Variants in NBAS observed in about 807,000 individuals in gnomAD.
NBAS encodes NAG/BC035112 fusion.
In NBAS, 219 loss-of-function variants were observed where a neutral mutation model predicts 302.5. The ratio of observed to expected loss-of-function variants is 0.72; its 90% CI spans 0.65 to 0.81. The LOEUF is 0.81. Ranked by LOEUF, NBAS falls within the 30% of genes least tolerant of loss-of-function variation. NBAS has a pLI of 0.00. For missense variants in NBAS, 2,932 were observed against 2,841.6 expected, an observed-to-expected ratio of 1.03 and a Z score of -0.72; for synonymous variants, 1,118 against 1,021.6, an observed-to-expected ratio of 1.09 and a Z score of -1.80.
At chr2:14,842,182 G>A in the NBAS span, among the ~76,000 whole-genome samples, 2 of 151,656 alleles carry the variant, frequency 1.3e-5, no homozygotes, top group African/African-American at 4.8e-5. Flanking sequence ...AACAACAAAA[G>A]TGTACTAAAA....
chr2:15,033,202 C>T, the NBAS span, among the ~76,000 whole-genome samples: 1 of 152,230 alleles, frequency 6.6e-6, no homozygotes, highest in Admixed American at 6.5e-5. Flanking sequence ...AGGTTTCAGA[C>T]TTACTTGGGA....
At chr2:15,553,180 T>C (rs1213813270) in intron 5 of NBAS, among the ~76,000 whole-genome samples, 2 of 152,254 alleles carry the variant, frequency 1.3e-5, no homozygotes, top group Non-Finnish European at 1.5e-5. Context: ...CCTCATTTAC[T>C]GAGAAAGTAA....
At chr2:15,047,554 A>G in the NBAS span, among the ~76,000 whole-genome samples, 1 of 149,174 alleles carries the variant, frequency 6.7e-6, no homozygotes, top group Non-Finnish European at 1.5e-5. Context: ...CCATGCAGGT[A>G]AAGGCTGGGC....
At chr2:14,877,825 G>A in the NBAS span, among the ~76,000 whole-genome samples, 1 of 152,114 alleles carries the variant, frequency 6.6e-6, no homozygotes, top group African/African-American at 2.4e-5. Context: ...CAAGATATGA[G>A]ACTCTTTTTA....
the NBAS span, among the ~76,000 whole-genome samples, chr2:14,784,212 T>C: frequency 1.3e-5 from 2 of 152,222 alleles, no homozygotes; most frequent in Admixed American, 1.3e-4. Context: ...AGACTCTGGA[T>C]ATTAGCCCTT....
chr2:14,868,886 A>G, the NBAS span, among the ~76,000 whole-genome samples: 2 of 152,218 alleles, frequency 1.3e-5, no homozygotes, highest in African/African-American at 4.8e-5. Context: ...GGTGGTGCTC[A>G]TGAGCCAGAC....
At chr2:14,981,066 A>G in the NBAS span, among the ~76,000 whole-genome samples, 1 of 113,924 alleles carries the variant, frequency 8.8e-6, no homozygotes, top group South Asian at 3.0e-4. Flanking sequence ...AATGAGAGGA[A>G]AAAAAAACAG....
chr2:15,151,771 C>T, the NBAS span, among the ~76,000 whole-genome samples: 1 of 152,172 alleles, frequency 6.6e-6, no homozygotes, highest in African/African-American at 2.4e-5. Flanking sequence ...AAAGAGGTTT[C>T]TTCAGTCTCC....
the NBAS span, among the ~76,000 whole-genome samples, chr2:14,984,381 AG>A: frequency 1.7e-4 from 26 of 152,354 alleles, no homozygotes; most frequent in Non-Finnish European, 3.4e-4. Flanking sequence ...CTAGATCATT[AG>A]AAGGTGAAAC....
At chr2:14,859,639 A>C in the NBAS span, among the ~76,000 whole-genome samples, 1 of 152,176 alleles carries the variant, frequency 6.6e-6, no homozygotes, top group African/African-American at 2.4e-5. Flanking sequence ...CATATGCAAA[A>C]GAATGAAACT....
At chr2:14,778,917 G>A in the NBAS span, among the ~76,000 whole-genome samples, 7 of 152,172 alleles carry the variant, frequency 4.6e-5, no homozygotes, top group African/African-American at 1.7e-4. Context: ...AATTTGTACA[G>A]TGCTTTTTAT....
chr2:15,409,450 C>G (rs1676576677), intron 25 of NBAS, among the ~76,000 whole-genome samples: 1 of 152,122 alleles, frequency 6.6e-6, no homozygotes, highest in South Asian at 2.1e-4. Context: ...TCTTTTAACC[C>G]CATATATTTT....
chr2:14,953,439 C>T, the NBAS span, among the ~76,000 whole-genome samples: 4 of 152,206 alleles, frequency 2.6e-5, no homozygotes, highest in African/African-American at 9.7e-5. Flanking sequence ...ACAAAGCAAA[C>T]GTCTCAGCAG....
chr2:15,257,159 G>A (rs1419336028), intron 44 of NBAS, among the ~76,000 whole-genome samples: 1 of 152,150 alleles, frequency 6.6e-6, no homozygotes, highest in Admixed American at 6.6e-5. Flanking sequence ...AAATTCAGCT[G>A]TGAATCCATT....
At chr2:15,163,082 C>T (rs967120468), downstream of NBAS, among the ~76,000 whole-genome samples, 9 of 152,190 alleles carry the variant, frequency 5.9e-5, no homozygotes, top group South Asian at 4.1e-4. Flanking sequence ...ACTGGGAAAA[C>T]GACCTCCACT....
chr2:15,536,451 T>C lies in NBAS; in HGVS notation c.614A>G (p.Asn205Ser), dbSNP rs767706309. The C allele has an allele frequency of 3.7e-6, 6 of 1,613,658 alleles. No homozygotes were observed. The highest frequency in any genetic ancestry group is 2.2e-5 in the South Asian group (2 of 91,052). ...AQWSAELLVI[N>S]YRGELRSYLV... ...GTAACTTCTAAGTTCTCCTCGGTAA[T>C]TGATGACCAGGAGTTCTGCAGACCA... Residue 205 changes from asparagine (N) to serine (S), a missense_variant, in exon 8 of 52, where the codon AAT (asparagine) becomes AGT (serine). By Grantham distance (46) the Asn-to-Ser change is conservative. Transcript: ENST00000281513.
At chr2:15,453,383 A>C (rs1344182176) in intron 21 of NBAS, among the ~76,000 whole-genome samples, 1 of 152,220 alleles carries the variant, frequency 6.6e-6, no homozygotes, top group Non-Finnish European at 1.5e-5. Context: ...AAGGCAGGTG[A>C]CTGTGCTTTC....
At chr2:15,060,874 G>C in the NBAS span, among the ~76,000 whole-genome samples, 222 of 152,190 alleles carry the variant, frequency 1.5e-3, no homozygotes, top group African/African-American at 5.0e-3. Flanking sequence ...TCACTGCCCC[G>C]ACTTCCCAGT....
chr2:15,329,897 G>A (rs577118620), intron 36 of NBAS, among the ~76,000 whole-genome samples: 1 of 152,202 alleles, frequency 6.6e-6, no homozygotes, highest in East Asian at 1.9e-4. Context: ...GTTATTACCT[G>A]CCATTACATT....
Sources: allele counts gnomAD v4.1 joint callset (sites outside exome capture counted in the v4.1 genomes callset), GRCh38; gene constraint gnomAD v4.1.1; transcripts MANE v1.5; gene names NCBI Gene and HGNC (gene_info 2026-07-23, HGNC 2026-07-21).